Variants in ENPP3 observed in about 807,000 individuals in gnomAD.
ENPP3 encodes the protein ectonucleotide pyrophosphatase/phosphodiesterase 3.
ENPP3 carries 104 observed loss-of-function variants against 117.8 expected under a neutral mutation model. The ratio of observed to expected loss-of-function variants is 0.88; its 90% CI spans 0.75 to 1.04. ENPP3 has a LOEUF of 1.04. Among genes scored for constraint, ENPP3 ranks in the 50% least tolerant of loss-of-function variants. The pLI is 0.00. For synonymous variants in ENPP3, 380 were observed against 349.9 expected, an observed-to-expected ratio of 1.09 and a Z score of -0.96; for missense variants, 1,026 against 1,051.9, an observed-to-expected ratio of 0.98 and a Z score of 0.34.
chr6:131,672,167 A>G (rs1002652152), intron 7 of ENPP3, among the ~76,000 whole-genome samples: 1 of 152,218 alleles, frequency 6.6e-6, no homozygotes, highest in Non-Finnish European at 1.5e-5. Flanking sequence ...CAAAAAGTTG[A>G]GTTGCCCAAT....
At chr6:131,663,848 A>G (rs1262313946) in intron 6 of ENPP3, among the ~76,000 whole-genome samples, 6 of 152,150 alleles carry the variant, frequency 3.9e-5, no homozygotes, top group African/African-American at 7.2e-5. Flanking sequence ...ACATTACATC[A>G]TACTTGATAA....
At chr6:131,735,274 G>A (rs1027134854) in intron 21 of ENPP3, among the ~76,000 whole-genome samples, 1 of 152,030 alleles carries the variant, frequency 6.6e-6, no homozygotes, top group African/African-American at 2.4e-5. Flanking sequence ...TTACTAGCAC[G>A]TTCTTATTTT....
At chr6:131,660,487 A>G (rs1391731326) in intron 6 of ENPP3, among the ~76,000 whole-genome samples, 2 of 152,266 alleles carry the variant, frequency 1.3e-5, no homozygotes, top group African/African-American at 2.4e-5. Context: ...GCCAGGGCCA[A>G]GATCAGGAAA....
intron 6 of ENPP3, among the ~76,000 whole-genome samples, chr6:131,660,788 G>A (rs1174092403): frequency 6.6e-6 from 1 of 152,154 alleles, no homozygotes; most frequent in South Asian, 2.1e-4. Context: ...GTACAATGCA[G>A]TATTATTATC....
intron 20 of ENPP3, among the ~76,000 whole-genome samples, chr6:131,726,906 T>G (rs1001972219): frequency 6.6e-6 from 1 of 152,204 alleles, no homozygotes; most frequent in Non-Finnish European, 1.5e-5. Flanking sequence ...TTTGTAGACC[T>G]AAATAGGAAC....
chr6:131,690,857 C>T (rs1235402813), intron 14 of ENPP3, among the ~76,000 whole-genome samples: 1 of 151,906 alleles, frequency 6.6e-6, no homozygotes, highest in African/African-American at 2.4e-5. Context: ...TGTATACTTG[C>T]AATGTGTTCA....
intron 1 of ENPP3, 68 bp downstream of exon 1, chr6:131,637,530 T>C: frequency 1.2e-6 from 1 of 861,536 alleles, no homozygotes; most frequent in East Asian, 2.7e-5. Flanking sequence ...TGATTTCCCA[T>C]TTACATTTCT....
At position 131,707,011 on chromosome 6, in the gene ENPP3, G is replaced by A. The variant is rs1243711041; in HGVS notation, c.1413-11661G>A. ...TTTCTGGAAAAGATTGTGTAGAATT[G>A]GTGTTAACTTTTTAAAAACATGTTA... On this transcript the variant is annotated intron_variant, in intron 15 of 24. Coordinates refer to ENST00000357639, the MANE Select transcript of ENPP3 (RefSeq NM_005021.5). Among the ~76,000 whole-genome samples, 3 of 151,544 alleles carry A rather than the reference G, an allele frequency of 2.0e-5. No individual in the cohort carries two copies. The East Asian group carries it at 5.8e-4, about 29-fold the overall frequency.
intron 1 of ENPP3, chr6:131,638,701 A>G (rs1347341899): frequency 2.7e-5 from 6 of 219,990 alleles, no homozygotes; most frequent in Non-Finnish European, 5.6e-5. Flanking sequence ...CTGGGACTAC[A>G]GGCATGAACC....
rs1304599726 is a variant in ENPP3, at chr6:131,685,392, G to A, written c.1149G>A (p.Met383Ile). ...HGMDQTYCNK[M>I]EYMTDYFPRI... ...TGGACCAGACTTATTGTAACAAGAT[G>A]GAATACATGACTGATTATTTTCCCA... is the stretch of plus-strand genomic sequence containing the variant. Residue 383 changes from methionine (M) to isoleucine (I), a missense_variant, in exon 13 of 25, where the codon ATG becomes ATA. Transcript: ENST00000357639. The A allele has an allele frequency of 6.2e-7, 1 of 1,611,910 alleles. No homozygotes were observed. The highest frequency in any genetic ancestry group is 1.1e-5 in the South Asian group (1 of 90,936).
intron 20 of ENPP3, among the ~76,000 whole-genome samples, chr6:131,728,910 G>C (rs1780215187): frequency 6.6e-6 from 1 of 152,178 alleles, no homozygotes; most frequent in Non-Finnish European, 1.5e-5. Context: ...ATGCACTAGT[G>C]TTCCTGTTGC....
rs748091480 is a variant in ENPP3 at position 131,683,046 on chromosome 6, T to C, written c.1012-8T>C. ...TTACGACAATCTTAACTCCAAATTA[T>C]TTTTCAGGTAATTAAAGCCTTACAG... On this transcript the variant is annotated splice_region_variant and splice_polypyrimidine_tract_variant and intron_variant, in intron 11 of 24. Coordinates refer to ENST00000357639, the MANE Select transcript of ENPP3 (RefSeq NM_005021.5). 11 of 1,540,306 alleles carry C rather than the reference T, an allele frequency of 7.1e-6. No homozygotes were observed. In the South Asian group the frequency reaches 7.9e-5, roughly 11 times the overall value.
chr6:131,651,575 C>T (rs1331715641), intron 3 of ENPP3, among the ~76,000 whole-genome samples: 1 of 152,114 alleles, frequency 6.6e-6, no homozygotes, highest in African/African-American at 2.4e-5. Context: ...TGCCAGTATT[C>T]CACAGGGCAC....
chr6:131,668,332 C>A (rs551521749), intron 6 of ENPP3, among the ~76,000 whole-genome samples: 10 of 147,608 alleles, frequency 6.8e-5, no homozygotes, highest in African/African-American at 1.5e-4. Context: ...CCTGTCTCGC[C>A]CCCCCCTGAG....
At chr6:131,666,871 G>A (rs142817176) in intron 6 of ENPP3, among the ~76,000 whole-genome samples, 97 of 152,212 alleles carry the variant, frequency 6.4e-4, no homozygotes, top group African/African-American at 2.2e-3. Flanking sequence ...AGAAACCCTC[G>A]CCAGTTGGCC....
At chr6:131,731,248 G>C (rs2114554306) in intron 20 of ENPP3, among the ~76,000 whole-genome samples, 1 of 152,228 alleles carries the variant, frequency 6.6e-6, no homozygotes, top group Admixed American at 6.5e-5. Flanking sequence ...GTCCTTGGCT[G>C]TCAGCTTCTA....
At chr6:131,679,244 G>GCCA (rs1554263170) in intron 11 of ENPP3, among the ~76,000 whole-genome samples, 2 of 151,246 alleles carry the variant, frequency 1.3e-5, no homozygotes, top group Non-Finnish European at 2.9e-5. Context: ...ACAGGCATGC[G>GCCA]CCACCACGCT....
chr6:131,690,595 A>G (rs1779256003), intron 14 of ENPP3, among the ~76,000 whole-genome samples: 1 of 152,194 alleles, frequency 6.6e-6, no homozygotes, highest in Non-Finnish European at 1.5e-5. Flanking sequence ...GTGGTCTGGA[A>G]GTGAGTTCAA....
At chr6:131,706,540 G>A (rs566973870) in intron 15 of ENPP3, among the ~76,000 whole-genome samples, 9 of 151,292 alleles carry the variant, frequency 5.9e-5, no homozygotes, top group East Asian at 2.0e-4. Flanking sequence ...GAACGTATCC[G>A]CATCATTAAA....
Sources: allele counts gnomAD v4.1 joint callset (sites outside exome capture counted in the v4.1 genomes callset), GRCh38; gene constraint gnomAD v4.1.1; transcripts MANE v1.5; gene names NCBI Gene and HGNC (gene_info 2026-07-23, HGNC 2026-07-21).